DNAH7: variants seen among roughly 807,000 people sequenced by gnomAD.
The protein encoded by DNAH7 is dynein axonemal heavy chain 7.
DNAH7 carries 397 observed loss-of-function variants against 444.6 expected under a neutral mutation model. The observed-to-expected ratio is 0.89, with a 90% CI of 0.82 to 0.97. The LOEUF is 0.97. DNAH7 is among the 50% of genes least tolerant of loss of function. DNAH7 has a pLI of 0.00. For missense variants in DNAH7, 4,902 were observed against 4,800.8 expected (o/e 1.02, Z -0.62); for synonymous variants, 1,636 against 1,624.4 (o/e 1.01, Z -0.17).
intron 63 of DNAH7, among the ~76,000 whole-genome samples, chr2:195,748,829 A>G (rs1270275301): frequency 2.0e-5 from 3 of 152,214 alleles, no homozygotes; most frequent in South Asian, 4.1e-4. Context: ...TTATACAAAA[A>G]TTAATTCAAG....
At chr2:195,902,486 C>G (rs1180962255) in intron 27 of DNAH7, 1 of 151,832 alleles carries the variant, frequency 6.6e-6, no homozygotes, top group Non-Finnish European at 1.5e-5. Context: ...AATGACTGAA[C>G]TAACAAATCA....
rs1260479828 is a variant in DNAH7 at position 195,775,904 on chromosome 2, T to A, written c.11144A>T (p.Asp3715Val). The A allele has an allele frequency of 3.7e-6, 6 of 1,614,064 alleles. No individual in the cohort carries two copies. The highest frequency in any genetic ancestry group is 5.1e-6 in the Non-Finnish European group (6 of 1,180,022). The change falls in exon 60 of 65, where the codon GAT becomes GTT. Residue 3715 changes from aspartate to valine, a missense_variant. Coordinates refer to ENST00000312428, the MANE Select transcript of DNAH7 (RefSeq NM_018897.3). ...PEIFGMNANADITKDQSETQL... is the reference protein window; with the variant it reads ...PEIFGMNANAVITKDQSETQL... Reference sequence around the variant, plus strand: ...AGTTTCTGACTGATCCTTAGTGATATCTGCATTGGCATTCATCCCAAAGAT... The same window carrying A: ...AGTTTCTGACTGATCCTTAGTGATAACTGCATTGGCATTCATCCCAAAGAT...
intron 18 of DNAH7, 97 bp downstream of exon 18, chr2:195,960,163 A>G: frequency 2.0e-6 from 2 of 991,422 alleles, no homozygotes; most frequent in Non-Finnish European, 2.9e-6. Flanking sequence ...TTAAGTATGA[A>G]ATATTATGTG....
chr2:195,797,550 A>C (rs1368245507), intron 55 of DNAH7, among the ~76,000 whole-genome samples: 3 of 152,222 alleles, frequency 2.0e-5, no homozygotes, highest in African/African-American at 7.2e-5. Context: ...AAAAGCAACT[A>C]GGAGGGGCTC....
intron 62 of DNAH7, 77 bp from the exon 63 acceptor site, chr2:195,754,591 G>T: frequency 6.9e-7 from 1 of 1,441,860 alleles, no homozygotes; most frequent in African/African-American, 1.4e-5. Context: ...CAGGATCTCT[G>T]GTTGCCCAGG....
In DNAH7 at chr2:196,001,670, C is replaced by G; in HGVS notation, c.1173+5G>C. ...ATACATATTGGTGAACTGAACCATA[C>G]TTACTGGGGGTTGTGCAATTAAGTC... On this transcript the variant is annotated splice_donor_5th_base_variant and intron_variant, in intron 11 of 64. Transcript: ENST00000312428. 1 of 1,535,890 alleles carries G rather than the reference C, an allele frequency of 6.5e-7. No individual in the cohort carries two copies. Among genetic ancestry groups the G allele is most frequent in the Non-Finnish European group, 8.8e-7 (1 of 1,141,828 alleles).
intron 14 of DNAH7, among the ~76,000 whole-genome samples, chr2:195,986,782 T>C (rs987386262): frequency 2.0e-5 from 3 of 152,148 alleles, no homozygotes; most frequent in Non-Finnish European, 4.4e-5. Flanking sequence ...AATATAAAAA[T>C]CTGAATTTAG....
At chr2:195,923,854 T>C (rs766253203) in intron 22 of DNAH7, 47 bp from the exon 23 acceptor site, 1 of 1,533,100 alleles carries the variant, frequency 6.5e-7, no homozygotes, top group Non-Finnish European at 9.0e-7. Context: ...TGATCAAAAT[T>C]ATTTTGAACA....
chr2:195,907,668 G>A (rs984372081), intron 25 of DNAH7, among the ~76,000 whole-genome samples: 2 of 152,018 alleles, frequency 1.3e-5, no homozygotes, highest in Non-Finnish European at 2.9e-5. Context: ...TGTGCCAACC[G>A]TGACTCACAG....
At chr2:196,023,160 T>C (rs1695480468) in intron 8 of DNAH7, among the ~76,000 whole-genome samples, 2 of 152,122 alleles carry the variant, frequency 1.3e-5, no homozygotes, top group Admixed American at 1.3e-4. Flanking sequence ...CTCGCAATGG[T>C]AAGTTCTCAT....
chr2:195,896,860 C>T (rs188327667), intron 29 of DNAH7, among the ~76,000 whole-genome samples: 69 of 152,282 alleles, frequency 4.5e-4, no homozygotes, highest in Non-Finnish European at 8.2e-4. Flanking sequence ...TGGCTGCCAT[C>T]GGTAGCTAAT....
chr2:195,783,884 A>G (rs1396012593), intron 58 of DNAH7, among the ~76,000 whole-genome samples: 1 of 152,014 alleles, frequency 6.6e-6, no homozygotes, highest in African/African-American at 2.4e-5. Context: ...CAAATCACTC[A>G]CAGTTAACCA....
intron 16 of DNAH7, among the ~76,000 whole-genome samples, chr2:195,970,720 T>C (rs1300759009): frequency 2.6e-5 from 4 of 152,180 alleles, no homozygotes; most frequent in Admixed American, 2.0e-4. Context: ...TAATTGGTAT[T>C]GGTAAGGCAT....
chr2:195,971,813 A>G (rs1691862874), intron 16 of DNAH7, among the ~76,000 whole-genome samples: 2 of 152,030 alleles, frequency 1.3e-5, no homozygotes, highest in African/African-American at 4.8e-5. Context: ...TGTTAGAGTG[A>G]CGATTCTGGG....
At chr2:195,862,286 C>T (rs1305768247) in intron 41 of DNAH7, among the ~76,000 whole-genome samples, 2 of 152,078 alleles carry the variant, frequency 1.3e-5, no homozygotes, top group African/African-American at 2.4e-5. Context: ...ATTTAATTCT[C>T]CTAACATTTC....
At chr2:195,767,180 T>A (rs971145145) in intron 61 of DNAH7, among the ~76,000 whole-genome samples, 1 of 152,268 alleles carries the variant, frequency 6.6e-6, no homozygotes, top group Non-Finnish European at 1.5e-5. Context: ...TTAAATTTTT[T>A]AAGCTGTGAG....
chr2:195,808,653 T>C lies in DNAH7; in HGVS notation c.10083+29A>G, dbSNP rs373352770. ...ACATTCTTTTCTCCATTTAAAAACATTGGAATAAGTGAGAGGGTTAAAACA... is the reference window on the plus strand; with the variant it reads ...ACATTCTTTTCTCCATTTAAAAACACTGGAATAAGTGAGAGGGTTAAAACA... On this transcript the variant is annotated intron_variant, in intron 53 of 64. Transcript: ENST00000312428. 573 of 1,600,752 alleles carry C rather than the reference T, an allele frequency of 3.6e-4. 3 individuals are homozygous for C. In the African/African-American group the frequency reaches 4.2e-3, roughly 12 times the overall value.
In DNAH7 at chr2:195,816,713, T is replaced by A. The variant is rs546440881; in HGVS notation, c.9676A>T (p.Met3226Leu). 6 of 1,614,154 alleles carry A rather than the reference T, an allele frequency of 3.7e-6. No individual in the cohort carries two copies. In the African/African-American group the frequency reaches 8.0e-5, roughly 22 times the overall value. The change falls in exon 51 of 65, where the codon ATG becomes TTG. Residue 3226 changes from methionine (M) to leucine (L), a missense_variant. Physicochemically the swap from Met to Leu is conservative, Grantham distance 15. Transcript: ENST00000312428. ...SLADLANIEP[M>L]YQYSLTWFIN... ...AACCAGGTCAGTGAATACTGGTACA[T>A]GGGCTCAATGTTGGCTAAATCAGCA...
At chr2:195,901,966 G>C (rs1375007192) in intron 27 of DNAH7, 1 of 152,132 alleles carries the variant, frequency 6.6e-6, no homozygotes, top group East Asian at 1.9e-4. Context: ...TAGTATGTAT[G>C]AGGACTCACT....
Sources: allele counts gnomAD v4.1 joint callset (sites outside exome capture counted in the v4.1 genomes callset), GRCh38; gene constraint gnomAD v4.1.1; transcripts MANE v1.5; gene names NCBI Gene and HGNC (gene_info 2026-07-23, HGNC 2026-07-21).